Variants in SWAP70 observed in about 807,000 individuals in gnomAD.
The protein encoded by SWAP70 is switch-associated protein 70.
Under a neutral mutation model 80.2 loss-of-function variants are expected in SWAP70, and 34 were observed. The ratio of observed to expected loss-of-function variants is 0.42; its 90% CI spans 0.32 to 0.56. The LOEUF (loss-of-function observed/expected upper bound fraction) is 0.56. Among genes scored for constraint, SWAP70 ranks in the 20% least tolerant of loss-of-function variants. The probability of loss-of-function intolerance (pLI) is 0.09; values close to 1 mark genes in which losing one functional copy is unlikely to be tolerated. For missense variants in SWAP70, 578 were observed against 690.7 expected, an observed-to-expected ratio of 0.84 and a Z score of 1.83; for synonymous variants, 239 against 238.5, an observed-to-expected ratio of 1.00 and a Z score of -0.02.
chr11:9,732,866 A>C (rs1029808686), intron 7 of SWAP70, among the ~76,000 whole-genome samples, 156 bp downstream of exon 7: 1 of 152,222 alleles, frequency 6.6e-6, no homozygotes, highest in Non-Finnish European at 1.5e-5. Flanking sequence ...CAGACCATCA[A>C]GTGAGACATA....
chr11:9,724,585 T>C, intron 3 of SWAP70, 73 bp from the exon 4 acceptor site: 1 of 1,149,442 alleles, frequency 8.7e-7, no homozygotes, highest in Non-Finnish European at 1.2e-6. Context: ...TTATCAGTGT[T>C]TATAACATAA....
chr11:9,733,710 C>A (rs965560629), intron 7 of SWAP70, among the ~76,000 whole-genome samples: 1 of 152,138 alleles, frequency 6.6e-6, no homozygotes, highest in Non-Finnish European at 1.5e-5. Context: ...TGTAAAAATT[C>A]CCTTTAAAGG....
At chr11:9,732,402 A>C (rs554479397) in intron 6 of SWAP70, 127 bp from the exon 7 acceptor site, 1 of 999,900 alleles carries the variant, frequency 1.0e-6, no homozygotes, top group South Asian at 1.5e-5. Flanking sequence ...GAGTGACAAA[A>C]TCAGAATCTA....
rs367610898 is a variant in SWAP70 at position 9,749,194 on chromosome 11, C to G, written c.1651+11C>G. The G allele has an allele frequency of 6.3e-6, 9 of 1,427,820 alleles. No individual in the cohort carries two copies. The highest frequency in any genetic ancestry group is 2.9e-5 in the African/African-American group (2 of 68,304). The allele number at this position is 1,427,820 out of a possible 1,614,324, so 88.4% of individuals were successfully genotyped here. A position where few individuals can be genotyped will look rare whatever the true frequency, so the allele number is the denominator to read the frequency against. On this transcript the variant is annotated intron_variant, in intron 11 of 11. Coordinates refer to ENST00000318950, the MANE Select transcript of SWAP70 (RefSeq NM_015055.4). ...GACTGATAGAACCAGGTAACAGACT[C>G]TATGAAGTAATCATATATTTATTTT...
intron 2 of SWAP70, among the ~76,000 whole-genome samples, chr11:9,705,174 C>G (rs562797127): frequency 2.0e-5 from 2 of 100,622 alleles, no homozygotes; most frequent in African/African-American, 6.9e-5. Context: ...TATGTATATA[C>G]TTGGTGATCT....
chr11:9,712,084 C>T (rs576224624), intron 2 of SWAP70, among the ~76,000 whole-genome samples: 26 of 152,232 alleles, frequency 1.7e-4, no homozygotes, highest in African/African-American at 6.3e-4. Context: ...ACTCTTTCTG[C>T]GAATCTTTCC....
rs74760547 is a variant in SWAP70 at position 9,720,640 on chromosome 11, C to G, written c.415-4018C>G. ...TTGCTACTAAAACTTCGACTTGTGCCTGTATTCCCTGTACCCCAAGTTGTA... is the reference window on the plus strand; with the variant it reads ...TTGCTACTAAAACTTCGACTTGTGCGTGTATTCCCTGTACCCCAAGTTGTA... On this transcript the variant is annotated intron_variant, in intron 3 of 11. Coordinates refer to ENST00000318950, the MANE Select transcript of SWAP70 (RefSeq NM_015055.4). Among the ~76,000 whole-genome samples the G allele has an allele frequency of 6.0e-3, 916 of 152,230 alleles. 8 individuals are homozygous for G. The highest frequency in any genetic ancestry group is 0.021 in the African/African-American group (867 of 41,530).
chr11:9,726,028 T>C (rs1054480542), intron 4 of SWAP70, among the ~76,000 whole-genome samples: 1 of 151,742 alleles, frequency 6.6e-6, no homozygotes, highest in Non-Finnish European at 1.5e-5. Flanking sequence ...GTCAGGAAGG[T>C]GCTTGCTAAA....
chr11:9,669,369 A>G (rs1401061750), intron 1 of SWAP70, among the ~76,000 whole-genome samples: 1 of 152,224 alleles, frequency 6.6e-6, no homozygotes, highest in East Asian at 1.9e-4. Flanking sequence ...AGCTGGGACT[A>G]CAGATGTGCA....
chr11:9,710,943 C>T (rs1217667042), intron 2 of SWAP70, among the ~76,000 whole-genome samples: 1 of 151,786 alleles, frequency 6.6e-6, no homozygotes, highest in African/African-American at 2.4e-5. Flanking sequence ...TTTGGCCTCC[C>T]AAAGTGCTGA....
intron 1 of SWAP70, among the ~76,000 whole-genome samples, chr11:9,671,125 ATATATT>A (rs1303500947): frequency 7.4e-6 from 1 of 134,678 alleles, no homozygotes; most frequent in Non-Finnish European, 1.5e-5. Flanking sequence ...ATATATATAA[ATATATT>A]TATAAATATA....
chr11:9,689,336 C>T (rs1013701541), intron 1 of SWAP70, among the ~76,000 whole-genome samples: 1 of 152,232 alleles, frequency 6.6e-6, no homozygotes, highest in African/African-American at 2.4e-5. Context: ...ACAGACCACA[C>T]GAGCAGGGCT....
At chr11:9,703,177 C>A (rs1350058560) in intron 2 of SWAP70, among the ~76,000 whole-genome samples, 1 of 152,192 alleles carries the variant, frequency 6.6e-6, no homozygotes, top group Admixed American at 6.5e-5. Context: ...TGGAATGATA[C>A]AATAGCCAGC....
rs542888565 is a variant in SWAP70, at chr11:9,705,840, G to C, written c.241-7626G>C. Among the ~76,000 whole-genome samples the C allele has an allele frequency of 1.4e-3, 52 of 37,564 alleles. 1 individual carries two copies. The highest frequency in any genetic ancestry group is 5.3e-3 in the South Asian group (4 of 748). 24.6% of individuals were successfully genotyped at this position (37,564 alleles called of 152,430 possible). ...CACTGGTGATCTGTGTATACTTGGT[G>C]ATCTGTATACACTGGTGATCTGTGT... On this transcript the variant is annotated intron_variant, in intron 2 of 11. Transcript: ENST00000318950.
chr11:9,728,172 T>C lies in SWAP70; in HGVS notation c.762T>C (p.Ile254=). The C allele has an allele frequency of 1.9e-6, 3 of 1,611,868 alleles. No homozygotes were observed. The highest frequency in any genetic ancestry group is 2.5e-6 in the Non-Finnish European group (3 of 1,179,280). The part of the protein sequence containing the change: ...SEDLKDKKGD[I]LLDENCCVES... The stretch of plus-strand genomic sequence containing the variant: ...ATCTGAAGGATAAGAAAGGAGACAT[T>C]CTCTTGGATGAAAATTGCTGTGTAG... Residue 254 remains isoleucine, a synonymous_variant, in exon 5 of 12, where the codon ATT becomes ATC. Coordinates refer to ENST00000318950, the MANE Select transcript of SWAP70 (RefSeq NM_015055.4).
rs145363368 is a variant in SWAP70, at chr11:9,750,055, G to T, written c.*85G>T. The T allele has an allele frequency of 2.1e-3, 2,124 of 998,936 alleles. 24 individuals are homozygous for T. The African/African-American group carries it at 0.03, about 14-fold the overall frequency. 61.9% of individuals were successfully genotyped at this position (998,936 alleles called of 1,614,324 possible). A position where few individuals can be genotyped will look rare whatever the true frequency, so the allele number is the denominator to read the frequency against. ...CTAAAGACAAAAGAAACAGCTTTGG[G>T]GGCCGGGCGTGGTGGCTCACGCCTG... is the stretch of plus-strand genomic sequence containing the variant. On this transcript the variant is annotated 3_prime_UTR_variant, in exon 12 of 12. Transcript: ENST00000318950.
intron 1 of SWAP70, among the ~76,000 whole-genome samples, chr11:9,683,743 T>A (rs892680495): frequency 6.6e-5 from 10 of 152,172 alleles, no homozygotes; most frequent in African/African-American, 1.9e-4. Context: ...AAAGTGATCC[T>A]ACCACCCCGC....
At chr11:9,735,825 A>G (rs546888043) in intron 7 of SWAP70, among the ~76,000 whole-genome samples, 32 of 152,048 alleles carry the variant, frequency 2.1e-4, no homozygotes, top group Admixed American at 5.9e-4. Context: ...TTGTCTTTCA[A>G]CAGTTTTACT....
At chr11:9,683,698 A>G (rs1850596139) in intron 1 of SWAP70, among the ~76,000 whole-genome samples, 1 of 152,350 alleles carries the variant, frequency 6.6e-6, no homozygotes, top group African/African-American at 2.4e-5. Flanking sequence ...GCTCTGAAGC[A>G]AAGATTGCCC....
Sources: allele counts gnomAD v4.1 joint callset (sites outside exome capture counted in the v4.1 genomes callset), GRCh38; gene constraint gnomAD v4.1.1; transcripts MANE v1.5; gene names NCBI Gene and HGNC (gene_info 2026-07-23, HGNC 2026-07-21).